The following AFF3 variants were observed in gnomAD, a reference collection of about 807,000 sequenced individuals.
AFF3 encodes the protein ALF transcription elongation factor 3.
A neutral mutation model predicts 129.7 loss-of-function variants in AFF3; 32 were observed. That is an observed-to-expected ratio of 0.25 (90% CI 0.19 to 0.33). The LOEUF is 0.33. Ranked by LOEUF, AFF3 falls within the 10% of genes least tolerant of loss-of-function variation. The pLI is 1.00. For synonymous variants in AFF3, 644 were observed against 635.4 expected (o/e 1.01, Z -0.20); for missense variants, 1,373 against 1,592.0 (o/e 0.86, Z 2.34).
chr2:100,130,303 G>T (rs904955551), intron 1 of AFF3, among the ~76,000 whole-genome samples: 1 of 152,122 alleles, frequency 6.6e-6, no homozygotes, highest in African/African-American at 2.4e-5. Context: ...TGCAGGCAAG[G>T]CTCCATGCCA....
intron 4 of AFF3, among the ~76,000 whole-genome samples, chr2:100,014,954 A>ATTTTTTTTTTT (rs562822524): frequency 6.2e-4 from 76 of 121,648 alleles, no homozygotes; most frequent in African/African-American, 2.0e-3. Context: ...CAGCCAGCTA[A>ATTTTTTTTTTT]TTTTTTTTTT....
intron 13 of AFF3, among the ~76,000 whole-genome samples, chr2:99,626,217 A>G (rs1235577233): frequency 1.3e-5 from 2 of 152,198 alleles, no homozygotes; most frequent in Non-Finnish European, 1.5e-5. Flanking sequence ...CAGTATCTGC[A>G]AACCTAGAGT....
At chr2:99,649,496 T>C (rs1282417340) in intron 13 of AFF3, 130 bp downstream of exon 13, 1 of 1,030,138 alleles carries the variant, frequency 9.7e-7, no homozygotes, top group Non-Finnish European at 1.5e-6. Context: ...AATCCAAGCA[T>C]GCAAAATGTT....
chr2:99,879,062 C>A (rs1692503665), intron 7 of AFF3, among the ~76,000 whole-genome samples: 1 of 152,158 alleles, frequency 6.6e-6, no homozygotes, highest in South Asian at 2.1e-4. Context: ...GGGTAAGAAG[C>A]ACTGAAGTGA....
chr2:99,845,855 C>T (rs528943019), intron 7 of AFF3, among the ~76,000 whole-genome samples: 5 of 152,230 alleles, frequency 3.3e-5, no homozygotes, highest in East Asian at 1.9e-4. Flanking sequence ...TATTTTGAGA[C>T]GGAGTCTTGC....
In AFF3 at chr2:99,889,877, C is replaced by T. The variant is rs572176689; in HGVS notation, c.874-52353G>A. Among the ~76,000 whole-genome samples the T allele has an allele frequency of 2.6e-3, 395 of 152,264 alleles. 5 individuals carry two copies. Among genetic ancestry groups the T allele is most frequent in the Non-Finnish European group, 4.8e-3 (325 of 68,020 alleles). On this transcript the variant is annotated intron_variant, in intron 7 of 24. Transcript: ENST00000672756. ...GTTTCTCCATGTTGGCCAGGCTGGT[C>T]TCGAACTCCCGACCTCAGGTGATCC...
chr2:99,558,471 T>C (rs1304092953), intron 22 of AFF3, among the ~76,000 whole-genome samples: 3 of 151,782 alleles, frequency 2.0e-5, no homozygotes, highest in Non-Finnish European at 2.9e-5. Flanking sequence ...AAATACAAAA[T>C]TAGCCAGGCG....
At chr2:100,008,696 G>T in intron 5 of AFF3, 116 bp downstream of exon 5, 1 of 1,309,700 alleles carries the variant, frequency 7.6e-7, no homozygotes, top group South Asian at 1.5e-5. Context: ...TCCCTGGGCT[G>T]AACAGACAGA....
chr2:99,703,564 A>G (rs972743053), intron 11 of AFF3, among the ~76,000 whole-genome samples: 3 of 152,088 alleles, frequency 2.0e-5, no homozygotes, highest in Admixed American at 6.6e-5. Flanking sequence ...ATTTACATTA[A>G]AAGTAATTAT....
chr2:100,072,284 C>T (rs1026258653), intron 4 of AFF3, among the ~76,000 whole-genome samples: 2 of 152,174 alleles, frequency 1.3e-5, no homozygotes, highest in African/African-American at 2.4e-5. Flanking sequence ...GTGAACTGTG[C>T]ATGCGAGGAA....
intron 12 of AFF3, among the ~76,000 whole-genome samples, chr2:99,652,626 A>T (rs1685367367): frequency 6.6e-6 from 1 of 152,128 alleles, no homozygotes; most frequent in African/African-American, 2.4e-5. Flanking sequence ...CCGGGGTTGG[A>T]GAGTCCGACA....
chr2:99,569,594 C>T (rs530649854), intron 18 of AFF3, among the ~76,000 whole-genome samples: 1 of 152,244 alleles, frequency 6.6e-6, no homozygotes, highest in Non-Finnish European at 1.5e-5. Flanking sequence ...TAACCCTGGC[C>T]AGCGGTGACT....
intron 15 of AFF3, among the ~76,000 whole-genome samples, chr2:99,588,436 C>T (rs990696910): frequency 6.6e-6 from 1 of 152,166 alleles, no homozygotes; most frequent in Non-Finnish European, 1.5e-5. Context: ...CCTTGGCCTC[C>T]CAAAGTGCTG....
intron 2 of AFF3, among the ~76,000 whole-genome samples, chr2:100,114,635 G>T (rs746289268): frequency 6.6e-6 from 1 of 152,094 alleles, no homozygotes; most frequent in South Asian, 2.1e-4. Flanking sequence ...ACCCACCTTG[G>T]CCTCCCAAAG....
intron 7 of AFF3, among the ~76,000 whole-genome samples, chr2:99,894,819 T>C (rs1285794459): frequency 6.6e-6 from 1 of 152,198 alleles, no homozygotes; most frequent in Non-Finnish European, 1.5e-5. Context: ...TACATAGGTG[T>C]ATGCTTTTAG....
chr2:100,012,559 G>A (rs112658479), intron 4 of AFF3, among the ~76,000 whole-genome samples: 2 of 152,086 alleles, frequency 1.3e-5, no homozygotes, highest in Admixed American at 6.5e-5. Context: ...GTAGCTTCTC[G>A]ACAGTGAGCC....
At chr2:99,909,453 G>A (rs748657088) in intron 7 of AFF3, among the ~76,000 whole-genome samples, 32 of 137,422 alleles carry the variant, frequency 2.3e-4, no homozygotes, top group Non-Finnish European at 3.6e-4. Context: ...GCTAAATGAC[G>A]AGTTACTGGG....
intron 8 of AFF3, among the ~76,000 whole-genome samples, chr2:99,833,905 T>C (rs1021979068): frequency 1.4e-4 from 21 of 152,122 alleles, no homozygotes; most frequent in Non-Finnish European, 2.9e-5. Flanking sequence ...AACACACAGA[T>C]TTATTAGGTC....
At chr2:99,728,205 C>G (rs959290144) in intron 10 of AFF3, among the ~76,000 whole-genome samples, 3 of 152,140 alleles carry the variant, frequency 2.0e-5, no homozygotes, top group African/African-American at 7.2e-5. Flanking sequence ...TTTGTATTTC[C>G]TTGAGGCTTG....
Sources: allele counts gnomAD v4.1 joint callset (sites outside exome capture counted in the v4.1 genomes callset), GRCh38; gene constraint gnomAD v4.1.1; transcripts MANE v1.5; gene names NCBI Gene and HGNC (gene_info 2026-07-23, HGNC 2026-07-21).